Variants in TCF7L1 observed in about 807,000 individuals in gnomAD.
TCF7L1 encodes transcription factor 7 like 1.
Under a neutral mutation model 63.7 loss-of-function variants are expected in TCF7L1, and 18 were observed. The ratio of observed to expected loss-of-function variants is 0.28; its 90% CI spans 0.20 to 0.42. TCF7L1 has a LOEUF of 0.42. Among genes scored for constraint, TCF7L1 ranks in the 10% least tolerant of loss-of-function variants. The pLI, the probability that TCF7L1 is intolerant of heterozygous loss-of-function variation, is 1.00. For missense variants in TCF7L1, 654 were observed against 779.3 expected (o/e 0.84, Z 1.91); for synonymous variants, 355 against 340.9 (o/e 1.04, Z -0.46).
intron 3 of TCF7L1, among the ~76,000 whole-genome samples, chr2:85,181,208 A>T (rs972880845): frequency 6.6e-6 from 1 of 152,178 alleles, no homozygotes; most frequent in African/African-American, 2.4e-5. Context: ...AGAAGTGGTA[A>T]ATAGATGGAC....
intron 3 of TCF7L1, among the ~76,000 whole-genome samples, chr2:85,277,809 C>A (rs928707031): frequency 6.6e-6 from 1 of 152,152 alleles, no homozygotes; most frequent in Admixed American, 6.5e-5. Flanking sequence ...TCCTCTGTTG[C>A]CCAGGCCCTG....
intron 4 of TCF7L1, among the ~76,000 whole-genome samples, chr2:85,287,428 A>G (rs1681589284): frequency 6.6e-6 from 1 of 152,218 alleles, no homozygotes; most frequent in African/African-American, 2.4e-5. Context: ...AGAACTCTCA[A>G]GAAAGTTCTA....
chr2:85,219,778 G>A (rs1311662076), intron 3 of TCF7L1, among the ~76,000 whole-genome samples: 1 of 152,206 alleles, frequency 6.6e-6, no homozygotes, highest in Non-Finnish European at 1.5e-5. Flanking sequence ...CCATTTATAA[G>A]AATGTTTGTA....
chr2:85,303,791 C>T, intron 5 of TCF7L1, 104 bp from the exon 6 acceptor site: 2 of 837,468 alleles, frequency 2.4e-6, no homozygotes, highest in African/African-American at 1.7e-5. Context: ...ACCTGCTAGG[C>T]TCCAGAGCAC....
At chr2:85,220,440 C>G (rs1276473909) in intron 3 of TCF7L1, among the ~76,000 whole-genome samples, 2 of 151,504 alleles carry the variant, frequency 1.3e-5, no homozygotes, top group African/African-American at 4.9e-5. Context: ...GCAATGTCAG[C>G]TCACTGCAAC....
chr2:85,144,874 A>G (rs1429628331), intron 3 of TCF7L1, among the ~76,000 whole-genome samples: 2 of 151,862 alleles, frequency 1.3e-5, no homozygotes, highest in Non-Finnish European at 2.9e-5. Flanking sequence ...ACTTGAGGTC[A>G]TGATTTCAAG....
intron 3 of TCF7L1, among the ~76,000 whole-genome samples, chr2:85,262,518 C>T (rs888998296): frequency 2.0e-5 from 3 of 152,192 alleles, no homozygotes; most frequent in Non-Finnish European, 4.4e-5. Context: ...GTAGAGGCTG[C>T]TGTCAAGTCC....
intron 3 of TCF7L1, among the ~76,000 whole-genome samples, chr2:85,158,925 T>G (rs1037975753): frequency 6.6e-6 from 1 of 152,222 alleles, no homozygotes; most frequent in Non-Finnish European, 1.5e-5. Context: ...AAGGTAGATC[T>G]CTGTTACTGA....
chr2:85,145,608 A>G (rs949618416), intron 3 of TCF7L1, among the ~76,000 whole-genome samples: 1 of 152,192 alleles, frequency 6.6e-6, no homozygotes, highest in Admixed American at 6.5e-5. Context: ...CTTATCAAGG[A>G]CCCTGCGGGA....
At position 85,194,525 on chromosome 2, in the gene TCF7L1, G is replaced by A. The variant is rs7570937; in HGVS notation, c.441+60075G>A. 3.9e-3 allele frequency among the ~76,000 whole-genome samples: 588 copies of A among 152,286 alleles called. 3 individuals carry two copies. The highest frequency in any genetic ancestry group is 0.014 in the African/African-American group (564 of 41,552). On this transcript the variant is annotated intron_variant, in intron 3 of 11. Transcript: ENST00000282111. ...ATTTGGACCTTGGAGAATGAAAATT[G>A]TAGGAAAAGTAGGCAGGGTAGATGG...
chr2:85,309,460 T>C lies in TCF7L1; in HGVS notation c.1765T>C (p.Ter589GlnextTer50). The change falls in exon 12 of 12, where the codon TAA becomes CAA. Residue 589 changes from the stop codon to glutamine, a stop_lost. Coordinates refer to ENST00000282111, the MANE Select transcript of TCF7L1 (RefSeq NM_031283.3). ...TTCCCTGGTCACCAAGTCTGCCCAC[T>C]AAGCTCCCCCCGACCCCTGCAGGCT... ...PLSLVTKSAH[*>Q] 6.6e-7 allele frequency: 1 copy of C among 1,520,024 alleles called. No homozygotes were observed. Among genetic ancestry groups the C allele is most frequent in the Non-Finnish European group, 8.8e-7 (1 of 1,134,808 alleles). 94.2% of individuals were successfully genotyped at this position (1,520,024 alleles called of 1,614,324 possible).
intron 4 of TCF7L1, among the ~76,000 whole-genome samples, chr2:85,290,170 G>A (rs1009837461): frequency 6.6e-6 from 1 of 151,740 alleles, no homozygotes; most frequent in African/African-American, 2.4e-5. Flanking sequence ...TAGTAGAGAC[G>A]GGGTTTCACC....
chr2:85,163,084 C>T (rs1371595040), intron 3 of TCF7L1, among the ~76,000 whole-genome samples: 1 of 152,172 alleles, frequency 6.6e-6, no homozygotes, highest in African/African-American at 2.4e-5. Flanking sequence ...TCGTAGGGTC[C>T]AGTGGCTCTC....
chr2:85,249,442 CT>C (rs1680542127), intron 3 of TCF7L1, among the ~76,000 whole-genome samples: 1 of 152,308 alleles, frequency 6.6e-6, no homozygotes, highest in South Asian at 2.1e-4. Flanking sequence ...TATGTTTGTT[CT>C]TTCCTAATTG....
At chr2:85,303,870 C>T (rs758180342) in intron 5 of TCF7L1, 25 bp from the exon 6 acceptor site, 2 of 1,563,568 alleles carry the variant, frequency 1.3e-6, no homozygotes, top group African/African-American at 2.7e-5. Context: ...AGGGAACAGT[C>T]TGACATATCT....
At chr2:85,286,321 C>T (rs1382825715) in intron 4 of TCF7L1, among the ~76,000 whole-genome samples, 1 of 151,740 alleles carries the variant, frequency 6.6e-6, no homozygotes, top group African/African-American at 2.4e-5. Context: ...CACCACTGCA[C>T]TCCAGCCTGG....
intron 11 of TCF7L1, 65 bp from the exon 12 acceptor site, chr2:85,308,964 T>G (rs1682208578): frequency 6.6e-7 from 1 of 1,507,798 alleles, no homozygotes; most frequent in African/African-American, 1.4e-5. Flanking sequence ...TCGCCAGGGC[T>G]GTTCCTCAGC....
intron 5 of TCF7L1, chr2:85,303,612 C>A: frequency 3.0e-6 from 1 of 330,812 alleles, no homozygotes. Flanking sequence ...TCCCTCTCTT[C>A]CAGGACGCTG....
At chr2:85,202,652 G>C (rs995497139) in intron 3 of TCF7L1, among the ~76,000 whole-genome samples, 7 of 152,098 alleles carry the variant, frequency 4.6e-5, no homozygotes, top group African/African-American at 1.7e-4. Context: ...ACTCCAAAAA[G>C]GTAGGAGTAC....
Sources: gnomAD v4.1 joint callset for allele counts (sites outside exome capture counted in the v4.1 genomes callset) on GRCh38, gnomAD v4.1.1 for gene constraint, MANE v1.5 for transcripts, NCBI Gene and HGNC (gene_info 2026-07-23, HGNC 2026-07-21) for gene names.